Variants in SLC6A3 observed in about 807,000 individuals in gnomAD.
The protein encoded by SLC6A3 is sodium-dependent dopamine transporter.
SLC6A3 carries 19 observed loss-of-function variants against 70.4 expected under a neutral mutation model. That is an observed-to-expected ratio of 0.27 (90% CI 0.19 to 0.40). The LOEUF is 0.40. Among genes scored for constraint, SLC6A3 ranks in the 10% least tolerant of loss-of-function variants. SLC6A3 has a pLI of 1.00. For missense variants in SLC6A3, 613 were observed against 838.5 expected (o/e 0.73, Z 3.32); for synonymous variants, 368 against 356.6 (o/e 1.03, Z -0.36).
At chr5:1,426,854 T>C (rs1332414330) in intron 4 of SLC6A3, among the ~76,000 whole-genome samples, 5 of 152,182 alleles carry the variant, frequency 3.3e-5, no homozygotes, top group African/African-American at 1.2e-4. Flanking sequence ...AAAGTTCCAA[T>C]GGATGATGGT....
intron 9 of SLC6A3, 39 bp from the exon 10 acceptor site, chr5:1,409,888 C>A (rs367892097): frequency 6.2e-7 from 1 of 1,611,022 alleles, no homozygotes; most frequent in Middle Eastern, 1.7e-4. Context: ...AGGCTGGCGG[C>A]GCTCCTGACC....
In SLC6A3 at chr5:1,410,482, TCTTTGGTCCCAAGCAGCTGACAGGGA is replaced by T. The variant is rs537245344; in HGVS notation, c.1270-659_1270-634del. Among the ~76,000 whole-genome samples, 105 of 152,116 alleles carry T rather than the reference TCTTTGGTCCCAAGCAGCTGACAGGGA, an allele frequency of 6.9e-4. No individual in the cohort carries two copies. In the East Asian group the frequency reaches 0.018, roughly 27 times the overall value. On this transcript the variant is annotated intron_variant, in intron 9 of 14. Coordinates refer to ENST00000270349, the MANE Select transcript of SLC6A3 (RefSeq NM_001044.5). ...GTTTATAAGGCAAGGGATTCTGGGTTCTTTGGTCCCAAGCAGCTGACAGGGAAGAAGGAGCCTGAGAAAGTCCAGCA... is the reference window on the plus strand; with the variant it reads ...GTTTATAAGGCAAGGGATTCTGGGTTAGAAGGAGCCTGAGAAAGTCCAGCA...
At chr5:1,400,471 G>A (rs1017947130) in intron 14 of SLC6A3, among the ~76,000 whole-genome samples, 1 of 152,098 alleles carries the variant, frequency 6.6e-6, no homozygotes, top group African/African-American at 2.4e-5. Flanking sequence ...CCAGCCCCAG[G>A]CTCCCAGGCC....
At chr5:1,412,488 C>G (rs536583682) in intron 8 of SLC6A3, among the ~76,000 whole-genome samples, 1 of 152,354 alleles carries the variant, frequency 6.6e-6, no homozygotes, top group African/African-American at 2.4e-5. Context: ...CCACAGCTCT[C>G]TCGGGAAACG....
chr5:1,399,363 A>G (rs1469162186), intron 14 of SLC6A3, among the ~76,000 whole-genome samples: 1 of 152,258 alleles, frequency 6.6e-6, no homozygotes, highest in Non-Finnish European at 1.5e-5. Context: ...GAGTGCTTAC[A>G]TTAGAAAAGA....
In SLC6A3 at chr5:1,423,872, T is replaced by C. The variant is rs560467495; in HGVS notation, c.654-1858A>G. Among the ~76,000 whole-genome samples the C allele has an allele frequency of 5.3e-5, 8 of 152,326 alleles. No individual in the cohort carries two copies. The South Asian group carries it at 1.7e-3, about 32-fold the overall frequency. On this transcript the variant is annotated intron_variant, in intron 4 of 14. Coordinates refer to ENST00000270349, the MANE Select transcript of SLC6A3 (RefSeq NM_001044.5). Reference sequence around the variant, plus strand: ...GCCGCGTTATGAAAGGAGCTCCCACTGCCCAGGTTTGCTTCTGTTGTGGGT... The same window carrying C: ...GCCGCGTTATGAAAGGAGCTCCCACCGCCCAGGTTTGCTTCTGTTGTGGGT...
intron 4 of SLC6A3, among the ~76,000 whole-genome samples, chr5:1,425,036 C>T (rs901982271): frequency 4.6e-5 from 7 of 152,230 alleles, no homozygotes; most frequent in African/African-American, 9.7e-5. Flanking sequence ...TGCAGGCCTA[C>T]GTGCAGGTGT....
rs753109365 is a variant in SLC6A3, at chr5:1,422,012, C to T, written c.656G>A (p.Arg219His). Residue 219 changes from arginine (R) to histidine (H), a missense_variant and splice_region_variant, in exon 5 of 15, where the codon CGT (arginine) becomes CAT (histidine). Transcript: ENST00000270349. Reference sequence around the variant, plus strand: ...GCTCTGGTGGAGGTGCAGCACGCCACGTCTGCAGAGGGGAGTCAGCGGGGG... The same window carrying T: ...GCTCTGGTGGAGGTGCAGCACGCCATGTCTGCAGAGGGGAGTCAGCGGGGG... ...GTTPAAEYFE[R>H]GVLHLHQSHG... 1.9e-6 allele frequency: 3 copies of T among 1,611,378 alleles called. No individual in the cohort carries two copies. The highest frequency in any genetic ancestry group is 2.5e-6 in the Non-Finnish European group (3 of 1,179,924).
At chr5:1,416,234 C>T in intron 6 of SLC6A3, 33 bp from the exon 7 acceptor site, 4 of 1,521,004 alleles carry the variant, frequency 2.6e-6, no homozygotes, top group Non-Finnish European at 3.6e-6. Flanking sequence ...GAGGCTGTCC[C>T]AGGAGAACGC....
chr5:1,429,373 C>G (rs754252121), intron 4 of SLC6A3, among the ~76,000 whole-genome samples: 1 of 152,214 alleles, frequency 6.6e-6, no homozygotes, highest in Non-Finnish European at 1.5e-5. Context: ...CTTGAGCTGC[C>G]GCCAGCTAAA....
intron 8 of SLC6A3, among the ~76,000 whole-genome samples, 177 bp downstream of exon 8, chr5:1,414,514 G>GGGGGGCCTGGA (rs1473728652): frequency 1.3e-5 from 2 of 151,392 alleles, no homozygotes; most frequent in East Asian, 1.9e-4. Context: ...GGCGCTGGGT[G>GGGGGGCCTGGA]GGGGCAGGTC....
rs138948519 is a variant in SLC6A3 at position 1,422,007 on chromosome 5, C to T, written c.661G>A (p.Val221Met). The T allele has an allele frequency of 3.1e-5, 50 of 1,611,792 alleles. No individual in the cohort carries two copies. The highest frequency in any genetic ancestry group is 1.6e-4 in the Middle Eastern group (1 of 6,062). Residue 221 changes from valine (V) to methionine (M), a missense_variant, in exon 5 of 15, where the codon GTG becomes ATG. Transcript: ENST00000270349. The stretch of plus-strand genomic sequence containing the variant: ...CCATGGCTCTGGTGGAGGTGCAGCA[C>T]GCCACGTCTGCAGAGGGGAGTCAGC... ...TPAAEYFERG[V>M]LHLHQSHGID... is the part of the protein sequence containing the mutation.
chr5:1,400,839 C>T, intron 14 of SLC6A3, 76 bp downstream of exon 14: 1 of 1,190,248 alleles, frequency 8.4e-7, no homozygotes, highest in Non-Finnish European at 1.2e-6. Context: ...TCGGAGCCCC[C>T]TGGGGGCTAA....
rs796123139 is a variant in SLC6A3 at position 1,403,169 on chromosome 5, T to C, written c.1600-80A>G. The C allele has an allele frequency of 7.4e-6, 11 of 1,491,126 alleles. No homozygotes were observed. The African/African-American group carries it at 8.3e-5, about 11-fold the overall frequency. The allele number at this position is 1,491,126 out of a possible 1,614,324, so 92.4% of individuals were successfully genotyped here. On this transcript the variant is annotated intron_variant, in intron 12 of 14. Transcript: ENST00000270349. ...AAGCAGGGAGCGGGCAGGCACTTCATGGCAGAGCGTCTCTCAGCCCCCACA... is the reference window on the plus strand; with the variant it reads ...AAGCAGGGAGCGGGCAGGCACTTCACGGCAGAGCGTCTCTCAGCCCCCACA...
intron 6 of SLC6A3, among the ~76,000 whole-genome samples, chr5:1,417,400 G>C (rs922265519): frequency 6.6e-6 from 1 of 152,194 alleles, no homozygotes; most frequent in African/African-American, 2.4e-5. Flanking sequence ...ACATGATGAT[G>C]GTGTCCTGAT....
chr5:1,443,201 C>A lies in SLC6A3; in HGVS notation c.-4G>T. 1 of 1,614,146 alleles carries A rather than the reference C, an allele frequency of 6.2e-7. No homozygotes were observed. Among genetic ancestry groups the A allele is most frequent in the Non-Finnish European group, 8.5e-7 (1 of 1,179,978 alleles). Reference sequence around the variant, plus strand: ...CGGAGCATTTGCTCTTACTCATGGGCACACTGGGAGTTGAGGAATTCTGTG... The same window carrying A: ...CGGAGCATTTGCTCTTACTCATGGGAACACTGGGAGTTGAGGAATTCTGTG... On this transcript the variant is annotated 5_prime_UTR_variant, in exon 2 of 15. Transcript: ENST00000270349.
In SLC6A3 at chr5:1,444,818, C is replaced by A. The variant is rs116564389; in HGVS notation, c.-46+530G>T. ...CCCGTTAGAAAGCGTCCTTCCTCAC[C>A]GCGCCCAGAACAAGAAGCGGCGCTG... On this transcript the variant is annotated intron_variant, in intron 1 of 14. Transcript: ENST00000270349. Among the ~76,000 whole-genome samples the A allele has an allele frequency of 3.1e-3, 473 of 152,326 alleles. 1 individual carries two copies. The highest frequency in any genetic ancestry group is 0.011 in the African/African-American group (443 of 41,562).
rs978805943 is a variant in SLC6A3, at chr5:1,411,309, G to C, written c.1203C>G (p.Leu401=). The C allele has an allele frequency of 6.4e-7, 1 of 1,554,482 alleles. No homozygotes were observed. Among genetic ancestry groups the C allele is most frequent in the African/African-American group, 1.4e-5 (1 of 73,218 alleles). ...FIIYPEAIAT[L]PLSSAWAVVF... The stretch of plus-strand genomic sequence containing the variant: ...CCACGGCCCAGGCTGAGGACAGAGG[G>C]AGCGTGGCGATGGCTTCCGGGTAGA... Residue 401 remains leucine, a synonymous_variant, in exon 9 of 15, where the codon CTC becomes CTG. Coordinates refer to ENST00000270349, the MANE Select transcript of SLC6A3 (RefSeq NM_001044.5). The surrounding 1 kb of genome is among the most constrained non-coding windows in gnomAD (Gnocchi z 6.5).
Position 1,414,809 on chromosome 5 carries a change from C to G in SLC6A3, c.1038G>C (p.Ala346=). ...GGGAGTTGATGGAGGTGGTGACAAT[C>G]GCGTCCCTGTAAGAACAAGACACGC... ...NKFTNNCYRD[A]IVTTSINSLT... is the part of the protein sequence containing the mutation. Residue 346 remains alanine (A), a synonymous_variant, in exon 8 of 15, where the codon GCG becomes GCC. Coordinates refer to ENST00000270349, the MANE Select transcript of SLC6A3 (RefSeq NM_001044.5). 6.2e-7 allele frequency: 1 copy of G among 1,612,914 alleles called. No homozygotes were observed. Among genetic ancestry groups the G allele is most frequent in the Non-Finnish European group, 8.5e-7 (1 of 1,179,840 alleles).
Sources: gnomAD v4.1 joint callset for allele counts (sites outside exome capture counted in the v4.1 genomes callset) on GRCh38, gnomAD v4.1.1 for gene constraint, Gnocchi (gnomAD v3.1) non-coding constraint, MANE v1.5 for transcripts, NCBI Gene and HGNC (gene_info 2026-07-23, HGNC 2026-07-21) for gene names.